The following GRIA1 variants were observed in gnomAD, a reference collection of about 807,000 sequenced individuals.
GRIA1 encodes glutamate ionotropic receptor AMPA type subunit 1, also known as glutamate receptor 1.
A neutral mutation model predicts 99.2 loss-of-function variants in GRIA1; 31 were observed. That is an observed-to-expected ratio of 0.31 (90% confidence interval 0.23 to 0.42). The LOEUF is 0.42. Ranked by LOEUF, GRIA1 falls within the 10% of genes least tolerant of loss-of-function variation. The pLI is 1.00. For synonymous variants in GRIA1, 438 were observed against 432.4 expected (o/e 1.01, Z -0.16); for missense variants, 782 against 1,157.5 (o/e 0.68, Z 4.71).
At chr5:153,782,627 GATAA>G (rs1193860586) in intron 13 of GRIA1, among the ~76,000 whole-genome samples, 2 of 152,074 alleles carry the variant, frequency 1.3e-5, no homozygotes, top group Non-Finnish European at 2.9e-5. Flanking sequence ...AAAATAAATA[GATAA>G]ATAAATAAGG....
At chr5:153,696,099 G>A (rs576870046) in intron 8 of GRIA1, among the ~76,000 whole-genome samples, 1 of 152,270 alleles carries the variant, frequency 6.6e-6, no homozygotes, top group East Asian at 1.9e-4. Flanking sequence ...CATGCAGGGG[G>A]CACGTCCCTG....
chr5:153,607,042 G>GAT (rs59233877), intron 2 of GRIA1, among the ~76,000 whole-genome samples: 32,456 of 127,456 alleles, frequency 0.25, 4,586 homozygotes, highest in Admixed American at 0.35. Context: ...TATCACAAAA[G>GAT]ATATATATAT....
intron 3 of GRIA1, 56 bp downstream of exon 3, chr5:153,647,223 C>G: frequency 1.3e-6 from 2 of 1,583,950 alleles, no homozygotes; most frequent in Non-Finnish European, 1.7e-6. Context: ...AAATTACCAG[C>G]AGAAAGGAGA....
chr5:153,804,784 C>A (rs1195626369), intron 15 of GRIA1, among the ~76,000 whole-genome samples: 1 of 151,656 alleles, frequency 6.6e-6, no homozygotes, highest in Admixed American at 6.6e-5. Context: ...CAGAGTCTTG[C>A]TCTGTTGGCC....
chr5:153,766,471 G>A (rs144429624), intron 12 of GRIA1, among the ~76,000 whole-genome samples: 51 of 152,308 alleles, frequency 3.3e-4, no homozygotes, highest in Middle Eastern at 3.4e-3. Flanking sequence ...AAGTACTTTT[G>A]CACCTATGGT....
At chr5:153,727,821 T>C (rs1283939099) in intron 11 of GRIA1, among the ~76,000 whole-genome samples, 1 of 151,310 alleles carries the variant, frequency 6.6e-6, no homozygotes, top group African/African-American at 2.4e-5. Context: ...AGGTAATTTA[T>C]AGATTCAATG....
At chr5:153,783,646 CT>C (rs773378073) in intron 13 of GRIA1, among the ~76,000 whole-genome samples, 4 of 152,220 alleles carry the variant, frequency 2.6e-5, no homozygotes, top group Non-Finnish European at 4.4e-5. Flanking sequence ...ACATTTTAAA[CT>C]GCTGTGCAGT....
At chr5:153,552,626 C>T (rs944922622) in intron 2 of GRIA1, among the ~76,000 whole-genome samples, 6 of 151,882 alleles carry the variant, frequency 4.0e-5, no homozygotes, top group African/African-American at 1.5e-4. Context: ...CAGATGATTC[C>T]AGTATACAGA....
At chr5:153,607,739 G>C (rs749280467) in intron 2 of GRIA1, among the ~76,000 whole-genome samples, 6 of 151,934 alleles carry the variant, frequency 3.9e-5, no homozygotes, top group Non-Finnish European at 8.8e-5. Flanking sequence ...AACTGCTAAT[G>C]TACATGTTAT....
chr5:153,796,942 T>C (rs1314023115), intron 14 of GRIA1, among the ~76,000 whole-genome samples: 1 of 152,128 alleles, frequency 6.6e-6, no homozygotes, highest in Non-Finnish European at 1.5e-5. Context: ...ACAAGCCCCA[T>C]CCCTGCCCTC....
intron 2 of GRIA1, among the ~76,000 whole-genome samples, chr5:153,536,463 G>T (rs10037684): frequency 0.081 from 12,369 of 152,092 alleles, 559 homozygotes; most frequent in African/African-American, 0.11. Context: ...TGGGGGAAAG[G>T]GCCTTATTGT....
In GRIA1 at chr5:153,698,041, C is replaced by T; in HGVS notation, c.1135-3C>T. 6.4e-7 allele frequency: 1 copy of T among 1,555,430 alleles called. No individual in the cohort carries two copies. Among genetic ancestry groups the T allele is most frequent in the Non-Finnish European group, 8.9e-7 (1 of 1,126,850 alleles). ...GACACCTCCACTCTCTTCTCATTAA[C>T]AGATTGGTTACTGGAATGAAGATGA... is the stretch of plus-strand genomic sequence containing the variant. On this transcript the variant is annotated splice_region_variant and splice_polypyrimidine_tract_variant and intron_variant, in intron 8 of 15. Transcript: ENST00000285900.
Position 153,490,940 on chromosome 5 carries a change from G to C in GRIA1, c.52G>C (p.Gly18Arg). Reference protein sequence around the residue: ...FCTGFLGAVVGANFPNNIQIG... With the variant: ...FCTGFLGAVVRANFPNNIQIG... ...CACCGGTTTCCTAGGCGCGGTAGTAGGTGCCAATTTCCCCAACAATATCCA... is the reference window on the plus strand; with the variant it reads ...CACCGGTTTCCTAGGCGCGGTAGTACGTGCCAATTTCCCCAACAATATCCA... Residue 18 changes from glycine (G) to arginine (R), a missense_variant, in exon 1 of 16, where the codon GGT becomes CGT. Physicochemically the swap from Gly to Arg is moderately radical, Grantham distance 125 (BLOSUM62 -2). This residue lies in a region of GRIA1 where 461 missense variants were observed against 521.7 expected (regional missense o/e 0.88). Transcript: ENST00000285900. 6.2e-7 allele frequency: 1 copy of C among 1,614,150 alleles called. No homozygotes were observed. Among genetic ancestry groups the C allele is most frequent in the Non-Finnish European group, 8.5e-7 (1 of 1,180,002 alleles).
intron 2 of GRIA1, among the ~76,000 whole-genome samples, chr5:153,535,073 C>T (rs2113456187): frequency 6.6e-6 from 1 of 152,212 alleles, no homozygotes; most frequent in African/African-American, 2.4e-5. Context: ...AGGCATGCAT[C>T]ACCATGCCTG....
At chr5:153,663,457 C>T (rs10477082) in intron 5 of GRIA1, among the ~76,000 whole-genome samples, 11,112 of 152,238 alleles carry the variant, frequency 0.073, 531 homozygotes, top group East Asian at 0.14. Context: ...AAATCTGGCT[C>T]AGCTACTTAC....
chr5:153,808,798 G>A (rs1766612989), intron 15 of GRIA1, among the ~76,000 whole-genome samples: 1 of 152,214 alleles, frequency 6.6e-6, no homozygotes, highest in African/African-American at 2.4e-5. Flanking sequence ...CAGTGAGAAG[G>A]TAGTAACCAT....
chr5:153,583,281 A>G (rs1346706305), intron 2 of GRIA1, among the ~76,000 whole-genome samples: 1 of 152,176 alleles, frequency 6.6e-6, no homozygotes, highest in Non-Finnish European at 1.5e-5. Flanking sequence ...TGTTTCTGTA[A>G]CAAAATTCCA....
chr5:153,541,041 G>T (rs1013313464), intron 2 of GRIA1, among the ~76,000 whole-genome samples: 7 of 152,150 alleles, frequency 4.6e-5, no homozygotes, highest in Non-Finnish European at 7.4e-5. Context: ...CTTCTCTTCA[G>T]CCTAACTGCA....
Position 153,533,336 on chromosome 5 carries a change from C to T in GRIA1, c.220+39271C>T, listed in dbSNP as rs904454174. On this transcript the variant is annotated intron_variant, in intron 2 of 15. Coordinates refer to ENST00000285900, the MANE Select transcript of GRIA1 (RefSeq NM_000827.4). ...TCACTGTTGGCCAGCCTCGGTTCTT[C>T]GGCTAGCTCCTTCAACCCAAGTGTA... 2.0e-5 allele frequency among the ~76,000 whole-genome samples: 3 copies of T among 151,522 alleles called. No homozygotes were observed. The South Asian group carries it at 6.3e-4, about 32-fold the overall frequency.
Sources: allele counts gnomAD v4.1 joint callset (sites outside exome capture counted in the v4.1 genomes callset), GRCh38; gene constraint gnomAD v4.1.1; regional missense constraint gnomAD v4.1.1; transcripts MANE v1.5; gene names NCBI Gene and HGNC (gene_info 2026-07-23, HGNC 2026-07-21).